The following PM20D1 variants were observed in gnomAD, a reference collection of about 807,000 sequenced individuals.
PM20D1 encodes peptidase M20 domain containing 1.
Under a neutral mutation model 53.8 loss-of-function variants are expected in PM20D1, and 53 were observed. The observed-to-expected ratio is 0.98, with a 90% CI of 0.79 to 1.24. The LOEUF (loss-of-function observed/expected upper bound fraction) is 1.24. Ranked by LOEUF, PM20D1 falls within the 50% of genes most tolerant of loss-of-function variation. PM20D1 has a pLI of 0.00. For synonymous variants in PM20D1, 239 were observed against 241.3 expected (o/e 0.99, Z 0.09); for missense variants, 564 against 616.8 (o/e 0.91, Z 0.91).
chr1:205,831,270 T>A (rs1571666131), intron 11 of PM20D1, among the ~76,000 whole-genome samples: 1 of 152,332 alleles, frequency 6.6e-6, no homozygotes, highest in Middle Eastern at 3.4e-3. Flanking sequence ...CACTCCTGGT[T>A]TCAAATGGAC....
At chr1:205,837,983 C>A (rs1656718572) in intron 10 of PM20D1, among the ~76,000 whole-genome samples, 1 of 152,082 alleles carries the variant, frequency 6.6e-6, no homozygotes, top group African/African-American at 2.4e-5. Flanking sequence ...TCACATTGGT[C>A]CTAACTACCC....
rs751841506 is a variant in PM20D1 at position 205,844,871 on chromosome 1, C to A, written c.516G>T (p.Leu172=). Residue 172 remains leucine, a synonymous_variant, in exon 4 of 13, where the codon CTG becomes CTT. Coordinates refer to ENST00000367136, the MANE Select transcript of PM20D1 (RefSeq NM_152491.5). ...VMALLQALEL[L]LIRKYIPRRS... The stretch of plus-strand genomic sequence containing the variant: ...TTCGGGGGATGTACTTCCTGATCAG[C>A]AGGAGCTCCAAGGCCTGCAGTAATG... The A allele has an allele frequency of 2.2e-5, 35 of 1,613,798 alleles. No individual in the cohort carries two copies. Among genetic ancestry groups the A allele is most frequent in the Non-Finnish European group, 2.7e-5 (32 of 1,180,012 alleles).
chr1:205,828,488 A>G lies in PM20D1; in HGVS notation c.*132T>C. On this transcript the variant is annotated 3_prime_UTR_variant, in exon 13 of 13. Coordinates refer to ENST00000367136, the MANE Select transcript of PM20D1 (RefSeq NM_152491.5). ...CCCGGCCTTGTTCTTGGGAGAGTTT[A>G]AGAGTGAGCAAGACAGATGGGCAAT... The G allele has an allele frequency of 7.7e-7, 1 of 1,305,852 alleles. No individual in the cohort carries two copies. Among genetic ancestry groups the G allele is most frequent in the Non-Finnish European group, 1.0e-6 (1 of 970,498 alleles). The allele number at this position is 1,305,852 out of a possible 1,614,324, so 80.9% of individuals were successfully genotyped here. A position where few individuals can be genotyped will look rare whatever the true frequency, so the allele number is the denominator to read the frequency against.
chr1:205,833,943 G>T (rs1319752359), intron 10 of PM20D1, among the ~76,000 whole-genome samples: 2 of 150,818 alleles, frequency 1.3e-5, no homozygotes, highest in Non-Finnish European at 3.0e-5. Flanking sequence ...TGCCTCCCAG[G>T]TTCAAGCAAT....
At chr1:205,836,022 CCCA>C (rs1200476888) in intron 10 of PM20D1, among the ~76,000 whole-genome samples, 2 of 151,920 alleles carry the variant, frequency 1.3e-5, no homozygotes, top group Non-Finnish European at 2.9e-5. Flanking sequence ...ATTACAGGTG[CCCA>C]CCACCATGCC....
intron 10 of PM20D1, among the ~76,000 whole-genome samples, chr1:205,835,862 C>T (rs542916760): frequency 6.6e-6 from 1 of 151,950 alleles, no homozygotes; most frequent in Non-Finnish European, 1.5e-5. Flanking sequence ...ACGAATCTCT[C>T]ATTTCTCTGA....
chr1:205,850,121 A>C lies in PM20D1; in HGVS notation c.-49T>G. 6.3e-7 allele frequency: 1 copy of C among 1,575,284 alleles called. No individual in the cohort carries two copies. Among genetic ancestry groups the C allele is most frequent in the Non-Finnish European group, 8.6e-7 (1 of 1,157,514 alleles). On this transcript the variant is annotated 5_prime_UTR_variant, in exon 1 of 13. Transcript: ENST00000367136. ...AGGCTACCGGGGTAGTTCTGACCTA[A>C]ACGCCCAGACTAGCGTTTCTTGGCC...
rs570846876 is a variant in PM20D1, at chr1:205,846,211, C to T, written c.257-654G>A. ...AACCAGCCTGGCCCACATGGTGAAACCCCGTCTCTACTAAAAATACAAAAA... is the reference window on the plus strand; with the variant it reads ...AACCAGCCTGGCCCACATGGTGAAATCCCGTCTCTACTAAAAATACAAAAA... On this transcript the variant is annotated intron_variant, in intron 2 of 12. Transcript: ENST00000367136. 7.9e-5 allele frequency among the ~76,000 whole-genome samples: 12 copies of T among 152,144 alleles called. No homozygotes were observed. The East Asian group carries it at 2.3e-3, about 29-fold the overall frequency.
intron 4 of PM20D1, 119 bp from the exon 5 acceptor site, chr1:205,844,336 T>A: frequency 8.1e-7 from 1 of 1,234,044 alleles, no homozygotes; most frequent in South Asian, 2.5e-5. Flanking sequence ...CCTAGTCTCC[T>A]TCCTGGGAGC....
At chr1:205,842,804 T>G in intron 6 of PM20D1, 53 bp from the exon 7 acceptor site, 1 of 1,553,646 alleles carries the variant, frequency 6.4e-7, no homozygotes, top group South Asian at 1.1e-5. Flanking sequence ...CAAAGATCAG[T>G]GGCTTGAAGA....
At chr1:205,839,709 A>C (rs1285003848) in intron 10 of PM20D1, among the ~76,000 whole-genome samples, 1 of 151,992 alleles carries the variant, frequency 6.6e-6, no homozygotes, top group Non-Finnish European at 1.5e-5. Flanking sequence ...AAAATTACAA[A>C]AATACAAAGT....
rs749295349 is a variant in PM20D1, at chr1:205,844,092, G to A, written c.702C>T (p.Ile234=). 1.2e-5 allele frequency: 19 copies of A among 1,611,150 alleles called. No homozygotes were observed. The highest frequency in any genetic ancestry group is 6.7e-5 in the Admixed American group (4 of 59,678). Reference sequence around the variant, plus strand: ...GGGTGGGATGCTTTACTCACAAGGCGATGGGCTTCTTGAAGTTAGGAATGA... The same window carrying A: ...GGGTGGGATGCTTTACTCACAAGGCAATGGGCTTCTTGAAGTTAGGAATGA... The part of the protein sequence containing the change: ...DDFIPNFKKP[I]ALIAVSEKGS... Residue 234 remains isoleucine, a synonymous_variant, in exon 5 of 13, where the codon ATC becomes ATT. Coordinates refer to ENST00000367136, the MANE Select transcript of PM20D1 (RefSeq NM_152491.5).
intron 10 of PM20D1, 81 bp downstream of exon 10, chr1:205,840,171 G>T: frequency 7.7e-7 from 1 of 1,299,434 alleles, no homozygotes. Flanking sequence ...ACCAGCCCTA[G>T]GACTGTAGTT....
Position 205,840,315 on chromosome 1 carries a change from G to T in PM20D1, c.1053C>A (p.Val351=). 6.2e-7 allele frequency: 1 copy of T among 1,613,798 alleles called. No homozygotes were observed. The highest frequency in any genetic ancestry group is 8.5e-7 in the Non-Finnish European group (1 of 1,179,814). ...CTGTGGCCTGGGCCACTGGGGGGAT[G>T]ACATTGAACTAGAGAGAGAAGCACA... ...TIFKAGVKFN[V]IPPVAQATVN... The change falls in exon 10 of 13, where the codon GTC becomes GTA. Residue 351 remains valine (V), a synonymous_variant. Transcript: ENST00000367136.
In PM20D1 at chr1:205,850,081, C is replaced by A. The variant is rs774609506; in HGVS notation, c.-9G>T. 2.7e-5 allele frequency: 43 copies of A among 1,609,260 alleles called. No individual in the cohort carries two copies. The highest frequency in any genetic ancestry group is 3.6e-5 in the Non-Finnish European group (42 of 1,176,478). On this transcript the variant is annotated 5_prime_UTR_variant, in exon 1 of 13. Coordinates refer to ENST00000367136, the MANE Select transcript of PM20D1 (RefSeq NM_152491.5). ...ACGCACCGCTGAGCCATGCTTCTCT[C>A]GAGCTCCTGCTGTCAGGCTACCGGG...
rs1214840168 is a variant in PM20D1, at chr1:205,847,209, T to TA, written c.256+675dup. Among the ~76,000 whole-genome samples, 8 of 100,878 alleles carry TA rather than the reference T, an allele frequency of 7.9e-5. No individual in the cohort carries two copies. In the Admixed American group the frequency reaches 9.2e-4, roughly 12 times the overall value. 66.2% of individuals were successfully genotyped at this position (100,878 alleles called of 152,430 possible). A position where few individuals can be genotyped will look rare whatever the true frequency, so the allele number is the denominator to read the frequency against. ...CCCAGAGCCATTTGTCCCAGGGTGT[T>TA]AGAGAGGGGGCTGCTTGCTGCTCCT... On this transcript the variant is annotated intron_variant, in intron 2 of 12. Transcript: ENST00000367136.
chr1:205,832,629 G>A lies in PM20D1; in HGVS notation c.1254C>T (p.Ser418=), dbSNP rs1571667188. 8.1e-6 allele frequency: 13 copies of A among 1,614,132 alleles called. No homozygotes were observed. Among genetic ancestry groups the A allele is most frequent in the Middle Eastern group, 1.6e-4 (1 of 6,062 alleles). The change falls in exon 11 of 13, where the codon TCC becomes TCT. Residue 418 remains serine (S), a synonymous_variant. Coordinates refer to ENST00000367136, the MANE Select transcript of PM20D1 (RefSeq NM_152491.5). Reference sequence around the variant, plus strand: ...CAGTAATATTGACTTCCGGGAAGACGGACTGTACGGTCTGGCGGAGCAGCT... The same window carrying A: ...CAGTAATATTGACTTCCGGGAAGACAGACTGTACGGTCTGGCGGAGCAGCT... The part of the protein sequence containing the change: ...GYQLLRQTVQ[S]VFPEVNITAP...
intron 5 of PM20D1, 109 bp from the exon 6 acceptor site, chr1:205,843,895 C>T: frequency 6.7e-7 from 1 of 1,503,122 alleles, no homozygotes; most frequent in South Asian, 1.3e-5. Flanking sequence ...GAGGTAGCTT[C>T]ATGCTGCTTT....
In PM20D1 at chr1:205,832,774, G is replaced by A; in HGVS notation, c.1117-8C>T. ...CTTCGTGAGTTCTAGGACCTCCAGG[G>A]TAGAAACAAAGGGGGTTCGATTTCT... On this transcript the variant is annotated splice_polypyrimidine_tract_variant and splice_region_variant and intron_variant, in intron 10 of 12. Transcript: ENST00000367136. 3 of 1,565,044 alleles carry A rather than the reference G, an allele frequency of 1.9e-6. No individual in the cohort carries two copies. Among genetic ancestry groups the A allele is most frequent in the Non-Finnish European group, 1.7e-6 (2 of 1,155,940 alleles).
Sources: allele counts gnomAD v4.1 joint callset (sites outside exome capture counted in the v4.1 genomes callset), GRCh38; gene constraint gnomAD v4.1.1; transcripts MANE v1.5; gene names NCBI Gene and HGNC (gene_info 2026-07-23, HGNC 2026-07-21).